Variants in NUDC observed in about 807,000 individuals in gnomAD.
NUDC encodes the protein nuclear migration protein nudC.
In NUDC, 14 loss-of-function variants were observed where a neutral mutation model predicts 45.0. The observed-to-expected ratio is 0.31, with a 90% CI of 0.21 to 0.49. The LOEUF (loss-of-function observed/expected upper bound fraction) is 0.49. NUDC is among the 20% of genes least tolerant of loss of function. The pLI is 0.99. For synonymous variants in NUDC, 153 were observed against 156.7 expected (o/e 0.98, Z 0.17); for missense variants, 323 against 426.2 (o/e 0.76, Z 2.13).
chr1:26,906,706 G>A (rs1005945986), intron 2 of NUDC, among the ~76,000 whole-genome samples: 4 of 151,798 alleles, frequency 2.6e-5, no homozygotes, highest in Admixed American at 1.3e-4. Flanking sequence ...AAAATTGGCC[G>A]GGCGTGGTGG....
chr1:26,926,519 A>G (rs1190139944), intron 2 of NUDC, among the ~76,000 whole-genome samples: 1 of 152,236 alleles, frequency 6.6e-6, no homozygotes, highest in African/African-American at 2.4e-5. Context: ...GACTACCTGT[A>G]AAACCTCATG....
At chr1:26,915,028 T>G (rs1215425669) in intron 3 of NUDC, among the ~76,000 whole-genome samples, 1 of 146,844 alleles carries the variant, frequency 6.8e-6, no homozygotes, top group Non-Finnish European at 1.5e-5. Flanking sequence ...TATATGTATA[T>G]GTGTATATAT....
At chr1:26,930,088 A>G (rs1383622239) in intron 2 of NUDC, among the ~76,000 whole-genome samples, 5 of 152,192 alleles carry the variant, frequency 3.3e-5, no homozygotes, top group Non-Finnish European at 7.3e-5. Flanking sequence ...TTCTCCAGAA[A>G]AGCATACCAA....
At position 26,943,926 on chromosome 1, in the gene NUDC, G is replaced by A. The variant is rs541849246; in HGVS notation, c.741+861G>A. 2.6e-5 allele frequency among the ~76,000 whole-genome samples: 4 copies of A among 152,310 alleles called. No homozygotes were observed. The East Asian group carries it at 5.8e-4, about 22-fold the overall frequency. ...CTGCACTTGCTTTGTCGCCCAGGCTGGAGTGCAGTGGCGCGATCTCGGCTC... is the reference window on the plus strand; with the variant it reads ...CTGCACTTGCTTTGTCGCCCAGGCTAGAGTGCAGTGGCGCGATCTCGGCTC... On this transcript the variant is annotated intron_variant, in intron 6 of 8. Transcript: ENST00000321265.
intron 8 of NUDC, 44 bp from the exon 9 acceptor site, chr1:26,946,086 A>G: frequency 6.3e-7 from 1 of 1,583,714 alleles, no homozygotes; most frequent in Non-Finnish European, 8.7e-7. Context: ...GGACAGCTTT[A>G]GAAGAGAAGG....
intron 2 of NUDC, among the ~76,000 whole-genome samples, chr1:26,924,488 T>C (rs1024187206): frequency 2.0e-5 from 3 of 152,226 alleles, no homozygotes; most frequent in Non-Finnish European, 2.9e-5. Context: ...GAAACCAGTC[T>C]GTTGTAAACC....
chr1:26,936,782 T>A (rs981964483), intron 2 of NUDC, among the ~76,000 whole-genome samples: 1 of 152,042 alleles, frequency 6.6e-6, no homozygotes, highest in Admixed American at 6.6e-5. Context: ...TAAGAATGGT[T>A]TTTACTCACA....
At chr1:26,932,661 A>G (rs1472386445) in intron 2 of NUDC, among the ~76,000 whole-genome samples, 1 of 152,112 alleles carries the variant, frequency 6.6e-6, no homozygotes, top group Non-Finnish European at 1.5e-5. Context: ...AGTAGTGTTA[A>G]GTGAACTTAC....
chr1:26,912,241 AATTT>A (rs1330654665), intron 3 of NUDC, among the ~76,000 whole-genome samples: 3 of 152,128 alleles, frequency 2.0e-5, no homozygotes, highest in Non-Finnish European at 4.4e-5. Context: ...TAGAGGAGGT[AATTT>A]ATTTATCAAT....
rs1359896617 is a variant in NUDC at position 26,942,815 on chromosome 1, G to T, written c.546+39G>T. 3 of 1,614,142 alleles carry T rather than the reference G, an allele frequency of 1.9e-6. No individual in the cohort carries two copies. The South Asian group carries it at 3.3e-5, about 18-fold the overall frequency. ...ACCAGAGGTAAAGCTTAGGGGGCCAGCCTGGGGTACCAGCAGCACTTAGTG... is the reference window on the plus strand; with the variant it reads ...ACCAGAGGTAAAGCTTAGGGGGCCATCCTGGGGTACCAGCAGCACTTAGTG... On this transcript the variant is annotated intron_variant, in intron 5 of 8. Transcript: ENST00000321265.
chr1:26,945,222 C>T lies in NUDC; in HGVS notation c.742-168C>T, dbSNP rs2082308841. On this transcript the variant is annotated intron_variant, in intron 6 of 8. Transcript: ENST00000321265. Reference sequence around the variant, plus strand: ...TGTAACTCTTTGCCTCTGTGTCTCCCCTAGCTGCAGGAAGGGCACAGTCTT... The same window carrying T: ...TGTAACTCTTTGCCTCTGTGTCTCCTCTAGCTGCAGGAAGGGCACAGTCTT... 14 of 668,760 alleles carry T rather than the reference C, an allele frequency of 2.1e-5. 1 individual carries two copies. In the Admixed American group the frequency reaches 2.8e-4, roughly 13 times the overall value. The allele number at this position is 668,760 out of a possible 1,614,324, so 41.4% of individuals were successfully genotyped here.
At chr1:26,942,834 C>T in intron 5 of NUDC, 37 bp from the exon 6 acceptor site, 2 of 1,614,052 alleles carry the variant, frequency 1.2e-6, no homozygotes, top group African/African-American at 1.3e-5. Flanking sequence ...ACCAGCAGCA[C>T]TTAGTGGCCT....
intron 2 of NUDC, among the ~76,000 whole-genome samples, chr1:26,931,775 CA>C (rs1234241332): frequency 5.0e-4 from 68 of 136,128 alleles, no homozygotes; most frequent in Middle Eastern, 3.7e-3. Context: ...GACTCCATCT[CA>C]AAAAAAAAAA....
At chr1:26,926,249 C>A (rs2082132010) in intron 2 of NUDC, among the ~76,000 whole-genome samples, 1 of 152,100 alleles carries the variant, frequency 6.6e-6, no homozygotes, top group African/African-American at 2.4e-5. Context: ...CTTTGCAAAC[C>A]GTTTTCTGTG....
chr1:26,930,659 A>T (rs2082175618), intron 2 of NUDC, among the ~76,000 whole-genome samples: 1 of 151,126 alleles, frequency 6.6e-6, no homozygotes, highest in Non-Finnish European at 1.5e-5. Context: ...GCAGTGACCC[A>T]TGATAAACGG....
At chr1:26,936,807 AAAT>A (rs1371869421) in intron 2 of NUDC, among the ~76,000 whole-genome samples, 2 of 151,914 alleles carry the variant, frequency 1.3e-5, no homozygotes, top group Non-Finnish European at 2.9e-5. Context: ...TTCTGACACC[AAAT>A]GTGTGGGGTT....
rs779969634 is a variant in NUDC, at chr1:26,945,553, A to G, written c.826-15A>G. 2.5e-6 allele frequency: 4 copies of G among 1,612,920 alleles called. No individual in the cohort carries two copies. Among genetic ancestry groups the G allele is most frequent in the Non-Finnish European group, 3.4e-6 (4 of 1,178,872 alleles). On this transcript the variant is annotated splice_polypyrimidine_tract_variant and intron_variant, in intron 7 of 8. Coordinates refer to ENST00000321265, the MANE Select transcript of NUDC (RefSeq NM_006600.4). The stretch of plus-strand genomic sequence containing the variant: ...TTCCAGAGCTTCACCGATTCCTGTC[A>G]CTGCCTGCCCTCAGCTGTCAGACCT...
chr1:26,904,200 G>A (rs930936463), intron 2 of NUDC, among the ~76,000 whole-genome samples: 1 of 66,732 alleles, frequency 1.5e-5, no homozygotes, highest in Non-Finnish European at 3.2e-5. Flanking sequence ...TTTTTTTTTT[G>A]TCACCCAGGC....
intron 2 of NUDC, 53 bp from the exon 3 acceptor site, chr1:26,941,404 T>C: frequency 6.3e-7 from 1 of 1,582,906 alleles, no homozygotes; most frequent in South Asian, 1.1e-5. Flanking sequence ...GACTCCAGGC[T>C]GTGGGACACT....
Sources: gnomAD v4.1 joint callset for allele counts (sites outside exome capture counted in the v4.1 genomes callset) on GRCh38, gnomAD v4.1.1 for gene constraint, MANE v1.5 for transcripts, NCBI Gene and HGNC (gene_info 2026-07-23, HGNC 2026-07-21) for gene names.